Variants in GRB10 observed in about 807,000 individuals in gnomAD.
The protein encoded by GRB10 is growth factor receptor bound protein 10, also known as growth factor receptor-bound protein 10.
A neutral mutation model predicts 80.9 loss-of-function variants in GRB10; 20 were observed. That is an observed-to-expected ratio of 0.25 (90% CI 0.17 to 0.36). GRB10 has a LOEUF of 0.36. Ranked by LOEUF, GRB10 falls within the 10% of genes least tolerant of loss-of-function variation. The pLI, the probability that GRB10 is intolerant of heterozygous loss-of-function variation, is 1.00. For synonymous variants in GRB10, 291 were observed against 291.5 expected, an observed-to-expected ratio of 1.00 and a Z score of 0.02; for missense variants, 548 against 747.7, an observed-to-expected ratio of 0.73 and a Z score of 3.12.
At chr7:50,759,797 C>A (rs2075553026) in intron 2 of GRB10, among the ~76,000 whole-genome samples, 1 of 152,190 alleles carries the variant, frequency 6.6e-6, no homozygotes, top group Admixed American at 6.5e-5. Context: ...TCTGCCCAAT[C>A]CCAGGAAGGC....
chr7:50,685,624 A>G (rs2062024551), intron 5 of GRB10, among the ~76,000 whole-genome samples: 1 of 152,162 alleles, frequency 6.6e-6, no homozygotes, highest in Non-Finnish European at 1.5e-5. Flanking sequence ...CCAGTTTATA[A>G]AAGTATCCCA....
In GRB10 at chr7:50,712,174, G is replaced by A. The variant is rs567987703; in HGVS notation, c.52-8266C>T. 4.3e-4 allele frequency among the ~76,000 whole-genome samples: 65 copies of A among 152,294 alleles called. 1 individual carries two copies. In the South Asian group the frequency reaches 0.011, roughly 27 times the overall value. The stretch of plus-strand genomic sequence containing the variant: ...ACTCCTATTCTGCCAGTTGCAAGGT[G>A]TACAAAACTAGTCCCTCAAATGGAA... On this transcript the variant is annotated intron_variant, in intron 4 of 18. Coordinates refer to ENST00000401949, the MANE Select transcript of GRB10 (RefSeq NM_001350814.2).
intron 5 of GRB10, among the ~76,000 whole-genome samples, chr7:50,690,280 G>A (rs2062645161): frequency 6.6e-6 from 1 of 150,542 alleles, no homozygotes; most frequent in African/African-American, 2.5e-5. Flanking sequence ...TGGGCAACAA[G>A]AGCGAAACTC....
chr7:50,672,167 C>T (rs1458488992), intron 6 of GRB10, among the ~76,000 whole-genome samples: 3 of 152,226 alleles, frequency 2.0e-5, no homozygotes, highest in African/African-American at 7.2e-5. Context: ...CCTGCCTGCC[C>T]CCCAGCTCCC....
chr7:50,713,928 CAT>C (rs1193781716), intron 4 of GRB10, among the ~76,000 whole-genome samples: 1 of 151,952 alleles, frequency 6.6e-6, no homozygotes, highest in Non-Finnish European at 1.5e-5. Context: ...CCACCCATTC[CAT>C]CACCTCTGCT....
chr7:50,637,436 CCA>C (rs137998418), intron 7 of GRB10, among the ~76,000 whole-genome samples: 3,020 of 150,928 alleles, frequency 0.02, 121 homozygotes, highest in African/African-American at 0.07. Flanking sequence ...TTTAAAATGG[CCA>C]CACACACACA....
intron 5 of GRB10, among the ~76,000 whole-genome samples, chr7:50,685,114 T>C (rs2061970516): frequency 6.6e-6 from 1 of 152,252 alleles, no homozygotes; most frequent in African/African-American, 2.4e-5. Flanking sequence ...TATGATTCTG[T>C]GGATTTAACT....
intron 4 of GRB10, among the ~76,000 whole-genome samples, chr7:50,717,031 C>T (rs1380065803): frequency 6.6e-6 from 1 of 152,234 alleles, no homozygotes; most frequent in East Asian, 1.9e-4. Flanking sequence ...ATAAGTCAAC[C>T]AAAGTTTCTG....
At chr7:50,680,682 G>C (rs368042988) in intron 5 of GRB10, among the ~76,000 whole-genome samples, 1 of 152,136 alleles carries the variant, frequency 6.6e-6, no homozygotes, top group African/African-American at 2.4e-5. Flanking sequence ...ATATATCCTG[G>C]GCATAACATA....
intron 4 of GRB10, among the ~76,000 whole-genome samples, chr7:50,711,672 C>G (rs2065922157): frequency 6.6e-6 from 1 of 152,210 alleles, no homozygotes; most frequent in Non-Finnish European, 1.5e-5. Context: ...TCTCTACCAA[C>G]TGCACATATG....
intron 4 of GRB10, among the ~76,000 whole-genome samples, chr7:50,717,802 G>A (rs190766654): frequency 4.3e-4 from 65 of 152,188 alleles, no homozygotes; most frequent in African/African-American, 1.5e-3. Context: ...AGGTTCTTGG[G>A]GTCTCTGGAC....
chr7:50,683,483 T>G (rs1405144615), intron 5 of GRB10, among the ~76,000 whole-genome samples: 1 of 152,216 alleles, frequency 6.6e-6, no homozygotes, highest in Non-Finnish European at 1.5e-5. Flanking sequence ...ACGCCTGTAA[T>G]CCCAGCACTT....
intron 8 of GRB10, among the ~76,000 whole-genome samples, chr7:50,621,513 A>C (rs1334076400): frequency 6.6e-6 from 1 of 152,226 alleles, no homozygotes; most frequent in Non-Finnish European, 1.5e-5. Flanking sequence ...TCAGAGATCC[A>C]GAGCTGTGCA....
chr7:50,758,941 T>C (rs1257429694), intron 2 of GRB10, among the ~76,000 whole-genome samples: 2 of 152,046 alleles, frequency 1.3e-5, no homozygotes, highest in Non-Finnish European at 2.9e-5. Flanking sequence ...ACCCAACACT[T>C]TGGGAAGCCA....
intron 13 of GRB10, among the ~76,000 whole-genome samples, chr7:50,607,859 C>T (rs1268439860): frequency 6.6e-6 from 1 of 152,194 alleles, no homozygotes; most frequent in African/African-American, 2.4e-5. Context: ...ATCACACATT[C>T]CAACCATGTG....
At chr7:50,705,530 C>T (rs1295932654) in intron 4 of GRB10, among the ~76,000 whole-genome samples, 1 of 152,040 alleles carries the variant, frequency 6.6e-6, no homozygotes, top group East Asian at 1.9e-4. Context: ...ATCAGAATAA[C>T]AAAAACAAAA....
At chr7:50,724,636 T>C (rs184897425) in intron 4 of GRB10, among the ~76,000 whole-genome samples, 8 of 152,152 alleles carry the variant, frequency 5.3e-5, no homozygotes, top group Admixed American at 2.0e-4. Flanking sequence ...TCCTTCCCCT[T>C]GAAGAGGGCT....
At chr7:50,734,308 T>C (rs1179618858) in intron 3 of GRB10, among the ~76,000 whole-genome samples, 1 of 152,252 alleles carries the variant, frequency 6.6e-6, no homozygotes, top group Admixed American at 6.5e-5. Flanking sequence ...GCCCCATCTC[T>C]AAACACTCTT....
At chr7:50,732,518 T>G (rs971766378) in intron 3 of GRB10, 150 bp from the exon 4 acceptor site, 1 of 632,610 alleles carries the variant, frequency 1.6e-6, no homozygotes, top group Non-Finnish European at 2.8e-6. Flanking sequence ...GGCACCAGCT[T>G]TTTGCTGACA....
Sources: allele counts gnomAD v4.1 joint callset (sites outside exome capture counted in the v4.1 genomes callset), GRCh38; gene constraint gnomAD v4.1.1; transcripts MANE v1.5; gene names NCBI Gene and HGNC (gene_info 2026-07-23, HGNC 2026-07-21).